Variants in CEMP1 observed in about 807,000 individuals in gnomAD.
CEMP1 encodes the protein cementum protein 1.
For synonymous variants in CEMP1, 161 were observed against 128.6 expected, an observed-to-expected ratio of 1.25 and a Z score of -1.71; for missense variants, 387 against 316.9, an observed-to-expected ratio of 1.22 and a Z score of -1.68.
In CEMP1 at chr16:2,530,762, GAGGGCCTGGGGC is replaced by G. The variant is rs776279453; in HGVS notation, c.300_311del (p.Leu104_Ala107del). On this transcript the variant is annotated inframe_deletion, in exon 1 of 1. Coordinates refer to ENST00000567119, the MANE Select transcript of CEMP1 (RefSeq NM_001048212.3). Reference sequence around the variant, plus strand: ...TGCCTGGGCAGGGCCTCGCCTGAGGGAGGGCCTGGGGCAGGGCACAAGGGGTTGATCTCAGCC... The same window carrying G: ...TGCCTGGGCAGGGCCTCGCCTGAGGGAGGGCACAAGGGGTTGATCTCAGCC... The G allele has an allele frequency of 1.2e-6, 2 of 1,613,584 alleles. No individual in the cohort carries two copies. Among genetic ancestry groups the G allele is most frequent in the East Asian group, 2.2e-5 (1 of 44,878 alleles).
In CEMP1 at chr16:2,530,136, G is replaced by A; in HGVS notation, c.*194C>T. On this transcript the variant is annotated 3_prime_UTR_variant, in exon 1 of 1. Transcript: ENST00000567119. Reference sequence around the variant, plus strand: ...CCAGGGGCTCCGCTCTGACCTCCAGGAGGGAGACTGGGCCCGGGACCCCTG... The same window carrying A: ...CCAGGGGCTCCGCTCTGACCTCCAGAAGGGAGACTGGGCCCGGGACCCCTG... 2.2e-6 allele frequency: 3 copies of A among 1,378,008 alleles called. No individual in the cohort carries two copies. Among genetic ancestry groups the A allele is most frequent in the South Asian group, 1.4e-5 (1 of 69,518 alleles). The allele number at this position is 1,378,008 out of a possible 1,614,324, so 85.4% of individuals were successfully genotyped here. A position where few individuals can be genotyped will look rare whatever the true frequency, so the allele number is the denominator to read the frequency against.
rs776969113 is a variant in CEMP1, at chr16:2,530,331, C to A, written c.743G>T (p.Ter248LeuextTer29). 1.2e-6 allele frequency: 2 copies of A among 1,614,148 alleles called. No homozygotes were observed. The highest frequency in any genetic ancestry group is 2.2e-5 in the South Asian group (2 of 91,082). Residue 248 changes from the stop codon to leucine (L), a stop_lost, in exon 1 of 1, where the codon TGA (stop) becomes TTA (leucine). Coordinates refer to ENST00000567119, the MANE Select transcript of CEMP1 (RefSeq NM_001048212.3). ...TEDGRMTLMG[*>L] ...ATGGGAGGCACCAGTGTGCCCTGCTCACCCCATTAGTGTCATCCTGCCATC... is the reference window on the plus strand; with the variant it reads ...ATGGGAGGCACCAGTGTGCCCTGCTAACCCCATTAGTGTCATCCTGCCATC...
At position 2,530,668 on chromosome 16, in the gene CEMP1, T is replaced by C; in HGVS notation, c.406A>G (p.Arg136Gly). 1 of 1,614,180 alleles carries C rather than the reference T, an allele frequency of 6.2e-7. No individual in the cohort carries two copies. The highest frequency in any genetic ancestry group is 8.5e-7 in the Non-Finnish European group (1 of 1,180,032). Residue 136 changes from arginine to glycine, a missense_variant, in exon 1 of 1, where the codon AGA becomes GGA. Coordinates refer to ENST00000567119, the MANE Select transcript of CEMP1 (RefSeq NM_001048212.3). Reference sequence around the variant, plus strand: ...TGCAAAGCCCAGTTAAGGAAATGTCTCCAGGTCCAAAGAGATAGGATGGTC... The same window carrying C: ...TGCAAAGCCCAGTTAAGGAAATGTCCCCAGGTCCAAAGAGATAGGATGGTC... Reference protein sequence around the residue: ...AQTILSLWTWRHFLNWALQQR... With the variant: ...AQTILSLWTWGHFLNWALQQR...
In CEMP1 at chr16:2,530,943, GGGCCTGGGAGA is replaced by G; in HGVS notation, c.120_130del (p.Leu41SerfsTer10). ...TGGCTGTCCAGCGCCTGCCTGTGCT[GGGCCTGGGAGA>G]GGAGCTGTCTTGCCAGGGCTCCCAG... is the stretch of plus-strand genomic sequence containing the variant. On this transcript the variant is annotated frameshift_variant, in exon 1 of 2. Coordinates refer to the CEMP1 transcript ENST00000565480. LOFTEE classifies it high-confidence loss of function. 6.2e-7 allele frequency: 1 copy of G among 1,613,532 alleles called. No homozygotes were observed.
chr16:2,530,934 G>C lies in CEMP1; in HGVS notation c.140C>G (p.Ala47Gly), dbSNP rs374505516. The C allele has an allele frequency of 2.7e-5, 44 of 1,613,510 alleles. 1 individual carries two copies. The highest frequency in any genetic ancestry group is 3.5e-5 in the Non-Finnish European group (41 of 1,179,988). ...CTTAGGAAGTGGCTGTCCAGCGCCT[G>C]CCTGTGCTGGGCCTGGGAGAGGAGC... ...KTAPLPGPAQ[A>G]GAGQPLPKGC... The change falls in exon 1 of 1, where the codon GCA (alanine) becomes GGA (glycine). Residue 47 changes from alanine (A) to glycine (G), a missense_variant. By Grantham distance (60) the Ala-to-Gly change is moderately conservative. Coordinates refer to ENST00000567119, the MANE Select transcript of CEMP1 (RefSeq NM_001048212.3).
rs61746888 is a variant in CEMP1 at position 2,530,361 on chromosome 16, G to T, written c.713C>A (p.Thr238Lys). 1.6e-3 allele frequency: 2,508 copies of T among 1,614,152 alleles called. 5 individuals carry two copies. The highest frequency in any genetic ancestry group is 2.0e-3 in the Non-Finnish European group (2,310 of 1,180,018). ...HMGVCQGQGD[T>K]EDGRMTLMG is the part of the protein sequence containing the mutation. ...CATTAGTGTCATCCTGCCATCTTCT[G>T]TGTCCCCTTGGCCCTGGCACACACC... is the stretch of plus-strand genomic sequence containing the variant. Residue 238 changes from threonine to lysine, a missense_variant, in exon 1 of 1, where the codon ACA (threonine) becomes AAA (lysine). Thr to Lys is a moderately conservative substitution (Grantham distance 78). Coordinates refer to ENST00000567119, the MANE Select transcript of CEMP1 (RefSeq NM_001048212.3).
rs924783241 is a variant in CEMP1, at chr16:2,530,826, A to G, written c.248T>C (p.Leu83Pro). Reference sequence around the variant, plus strand: ...ACAAGCCCCAGGGGCAGCCCAGGAAAGCAGGCGACGGATGTGGATCCTGAC... The same window carrying G: ...ACAAGCCCCAGGGGCAGCCCAGGAAGGCAGGCGACGGATGTGGATCCTGAC... ...QEVRIHIRRL[L>P]SWAAPGACGL... is the part of the protein sequence containing the mutation. The change falls in exon 1 of 1, where the codon CTT becomes CCT. Residue 83 changes from leucine (L) to proline (P), a missense_variant. Coordinates refer to ENST00000567119, the MANE Select transcript of CEMP1 (RefSeq NM_001048212.3). 6 of 1,613,678 alleles carry G rather than the reference A, an allele frequency of 3.7e-6. No homozygotes were observed. The African/African-American group carries it at 6.7e-5, about 18-fold the overall frequency.
rs1169590515 is a variant in CEMP1, at chr16:2,530,955, G to T, written c.119C>A (p.Pro40His). The part of the protein sequence containing the change: ...SLPGSPGKTA[P>H]LPGPAQAGAG... The stretch of plus-strand genomic sequence containing the variant: ...GCCTGCCTGTGCTGGGCCTGGGAGA[G>T]GAGCTGTCTTGCCAGGGCTCCCAGG... The change falls in exon 1 of 1, where the codon CCT (proline) becomes CAT (histidine). Residue 40 changes from proline to histidine, a missense_variant. Coordinates refer to ENST00000567119, the MANE Select transcript of CEMP1 (RefSeq NM_001048212.3). 9 of 1,613,532 alleles carry T rather than the reference G, an allele frequency of 5.6e-6. No homozygotes were observed. The highest frequency in any genetic ancestry group is 7.6e-6 in the Non-Finnish European group (9 of 1,179,954).
rs181853336 is a variant in CEMP1 at position 2,530,900 on chromosome 16, C to G, written c.174G>C (p.Ala58=). The G allele has an allele frequency of 1.2e-6, 2 of 1,613,516 alleles. No homozygotes were observed. The highest frequency in any genetic ancestry group is 1.7e-6 in the Non-Finnish European group (2 of 1,179,982). The change falls in exon 1 of 1, where the codon GCG becomes GCC. Residue 58 remains alanine (A), a synonymous_variant. Transcript: ENST00000567119. ...GAGQPLPKGC[A]AVKAEVGIPA... ...GGATACCCACCTCTGCCTTGACGGC[C>G]GCGCACCCCTTAGGAAGTGGCTGTC...
At position 2,530,999 on chromosome 16, in the gene CEMP1, G is replaced by A. The variant is rs1449056521; in HGVS notation, c.75C>T (p.Asn25=). ...RCSTSNTSAE[N]LTCLSLPGSP... is the part of the protein sequence containing the mutation. ...TCCCAGGCAGGGAGAGGCAGGTGAG[G>A]TTCTCAGCCGATGTGTTAGAGGTTG... Residue 25 remains asparagine (N), a synonymous_variant, in exon 1 of 1, where the codon AAC becomes AAT. Coordinates refer to ENST00000567119, the MANE Select transcript of CEMP1 (RefSeq NM_001048212.3). 5.0e-6 allele frequency: 8 copies of A among 1,612,698 alleles called. No individual in the cohort carries two copies. Among genetic ancestry groups the A allele is most frequent in the Non-Finnish European group, 5.9e-6 (7 of 1,179,628 alleles).
Position 2,530,159 on chromosome 16 carries a change from C to G in CEMP1, c.*171G>C. The G allele has an allele frequency of 2.1e-6, 3 of 1,442,206 alleles. No homozygotes were observed. Among genetic ancestry groups the G allele is most frequent in the Non-Finnish European group, 2.7e-6 (3 of 1,093,760 alleles). The allele number at this position is 1,442,206 out of a possible 1,614,324, so 89.3% of individuals were successfully genotyped here. On this transcript the variant is annotated 3_prime_UTR_variant, in exon 1 of 1. Transcript: ENST00000567119. The stretch of plus-strand genomic sequence containing the variant: ...AGGAGGGAGACTGGGCCCGGGACCC[C>G]TGTTTTCTGCTCCCTGGACTGCCTA...
Position 2,530,368 on chromosome 16 carries a change from C to T in CEMP1, c.706G>A (p.Gly236Arg). The change falls in exon 1 of 1, where the codon GGG becomes AGG. Residue 236 changes from glycine to arginine, a missense_variant. By Grantham distance (125) the Gly-to-Arg change is moderately radical (BLOSUM62 -2). Transcript: ENST00000567119. ...GTCATCCTGCCATCTTCTGTGTCCC[C>T]TTGGCCCTGGCACACACCCATGTGG... is the stretch of plus-strand genomic sequence containing the variant. ...VCHMGVCQGQ[G>R]DTEDGRMTLM... 1 of 1,614,212 alleles carries T rather than the reference C, an allele frequency of 6.2e-7. No homozygotes were observed. Among genetic ancestry groups the T allele is most frequent in the East Asian group, 2.2e-5 (1 of 44,890 alleles).
In CEMP1 at chr16:2,531,394, A is replaced by G; in HGVS notation, c.-321T>C. The G allele has an allele frequency of 2.0e-6, 1 of 506,272 alleles. No individual in the cohort carries two copies. The highest frequency in any genetic ancestry group is 3.6e-6 in the Non-Finnish European group (1 of 277,608). The allele number at this position is 506,272 out of a possible 1,614,324, so 31.4% of individuals were successfully genotyped here. A position where few individuals can be genotyped will look rare whatever the true frequency, so the allele number is the denominator to read the frequency against. On this transcript the variant is annotated 5_prime_UTR_variant, in exon 1 of 1. Coordinates refer to ENST00000567119, the MANE Select transcript of CEMP1 (RefSeq NM_001048212.3). ...TGCTTTTTAAAAATTGTGGTAAAAT[A>G]CATAACAAAAGTAACTATCGTAACC...
In CEMP1 at chr16:2,530,390, G is replaced by C. The variant is rs773359799; in HGVS notation, c.684C>G (p.His228Gln). The change falls in exon 1 of 1, where the codon CAC becomes CAG. Residue 228 changes from histidine to glutamine, a missense_variant. His to Gln is a conservative substitution (Grantham distance 24, BLOSUM62 0). Coordinates refer to ENST00000567119, the MANE Select transcript of CEMP1 (RefSeq NM_001048212.3). ...CSGSLTARVCHMGVCQGQGDT... is the reference protein window; with the variant it reads ...CSGSLTARVCQMGVCQGQGDT... The stretch of plus-strand genomic sequence containing the variant: ...CCCCTTGGCCCTGGCACACACCCAT[G>C]TGGCAAACACGGGCCGTGAGGCTCC... 6.2e-7 allele frequency: 1 copy of C among 1,614,214 alleles called. No homozygotes were observed. Among genetic ancestry groups the C allele is most frequent in the Non-Finnish European group, 8.5e-7 (1 of 1,180,028 alleles).
rs745655515 is a variant in CEMP1, at chr16:2,530,321, G to A, written c.*9C>T. The A allele has an allele frequency of 5.6e-6, 9 of 1,614,122 alleles. No individual in the cohort carries two copies. The highest frequency in any genetic ancestry group is 1.7e-4 in the Middle Eastern group (1 of 6,060). On this transcript the variant is annotated 3_prime_UTR_variant, in exon 1 of 1. Transcript: ENST00000567119. ...GGAGGGCAGTATGGGAGGCACCAGT[G>A]TGCCCTGCTCACCCCATTAGTGTCA... is the stretch of plus-strand genomic sequence containing the variant.
Position 2,531,063 on chromosome 16 carries a change from G to C in CEMP1, c.11C>G (p.Ser4Ter), listed in dbSNP as rs1597002849. 10 of 1,591,646 alleles carry C rather than the reference G, an allele frequency of 6.3e-6. No homozygotes were observed. The South Asian group carries it at 1.1e-4, about 18-fold the overall frequency. ...CCCAGCTTGCTGGCTGTCAGTGCTT[G>C]ATGTGCCCATCCTCAGCTAAAACCC... Residue 4 changes from serine to a stop codon, truncating the protein, a stop_gained, in exon 1 of 2, where the codon TCA (serine) becomes TGA (stop). Coordinates refer to the CEMP1 transcript ENST00000565480. LOFTEE classifies it high-confidence loss of function.
rs2066078137 is a variant in CEMP1, at chr16:2,530,620, T to C, written c.454A>G (p.Arg152Gly). 1 of 1,614,096 alleles carries C rather than the reference T, an allele frequency of 6.2e-7. No homozygotes were observed. Among genetic ancestry groups the C allele is most frequent in the African/African-American group, 1.3e-5 (1 of 74,936 alleles). The change falls in exon 1 of 1, where the codon AGA (arginine) becomes GGA (glycine). Residue 152 changes from arginine (R) to glycine (G), a missense_variant. Physicochemically the swap from Arg to Gly is moderately radical, Grantham distance 125 (BLOSUM62 -2). Coordinates refer to ENST00000567119, the MANE Select transcript of CEMP1 (RefSeq NM_001048212.3). ...ALQQREENSG[R>G]ARRVPPVPRT... ...GGCACAGGAGGTACGCGCCTGGCTC[T>C]GCCACTGTTCTCTTCCCTCTGCTGC... is the stretch of plus-strand genomic sequence containing the variant.
chr16:2,531,288 A>ATGAC lies in CEMP1; in HGVS notation c.-216_-215insGTCA. On this transcript the variant is annotated 5_prime_UTR_variant, in exon 1 of 1. In the 5' UTR this introduces an upstream ATG that the reference lacks. Transcript: ENST00000567119. Reference sequence around the variant, plus strand: ...GGTGGTGGGAGAGGGGCCCAGGGTCAGGGTGAGAGAGAGCTGGGCCAGGGA... The same window carrying ATGAC: ...GGTGGTGGGAGAGGGGCCCAGGGTCATGACGGGTGAGAGAGAGCTGGGCCAGGGA... 1 of 588,904 alleles carries ATGAC rather than the reference A, an allele frequency of 1.7e-6. No homozygotes were observed. Among genetic ancestry groups the ATGAC allele is most frequent in the East Asian group, 2.8e-5 (1 of 35,596 alleles). The allele number at this position is 588,904 out of a possible 1,614,324, so 36.5% of individuals were successfully genotyped here.
Position 2,530,483 on chromosome 16 carries a change from AGACGTC to A in CEMP1, c.585_590del (p.Thr196_Ser197del), listed in dbSNP as rs1361908066. 3.1e-6 allele frequency: 5 copies of A among 1,614,158 alleles called. No individual in the cohort carries two copies. The highest frequency in any genetic ancestry group is 4.2e-6 in the Non-Finnish European group (5 of 1,180,002). ...CTCTGAGGACAGCCACAGTGGGGTC[AGACGTC>A]AGGGATTGGTGCAGCCCCACGTCAG... On this transcript the variant is annotated inframe_deletion, in exon 1 of 1. Transcript: ENST00000567119.
Sources: allele counts gnomAD v4.1 joint callset, GRCh38; gene constraint gnomAD v4.1.1; transcripts MANE v1.5; gene names NCBI Gene and HGNC (gene_info 2026-07-23, HGNC 2026-07-21).